The following BNC2 variants were observed in gnomAD, a reference collection of about 807,000 sequenced individuals.
BNC2 encodes basonuclin zinc finger protein 2.
A neutral mutation model predicts 76.3 loss-of-function variants in BNC2; 20 were observed. That is an observed-to-expected ratio of 0.26 (90% CI 0.18 to 0.38). The LOEUF is 0.38. Among genes scored for constraint, BNC2 ranks in the 10% least tolerant of loss-of-function variants. The pLI, the probability that BNC2 is intolerant of heterozygous loss-of-function variation, is 1.00. For synonymous variants in BNC2, 582 were observed against 514.8 expected (o/e 1.13, Z -1.77); for missense variants, 1,382 against 1,399.8 (o/e 0.99, Z 0.20).
intron 1 of BNC2, among the ~76,000 whole-genome samples, chr9:16,782,775 G>A (rs987511720): frequency 2.0e-5 from 3 of 152,142 alleles, no homozygotes; most frequent in Admixed American, 6.5e-5. Flanking sequence ...ATACTCTGAA[G>A]GCCAGAAACG....
intron 3 of BNC2, among the ~76,000 whole-genome samples, chr9:16,637,586 A>G (rs1235681077): frequency 6.6e-6 from 1 of 152,220 alleles, no homozygotes; most frequent in Non-Finnish European, 1.5e-5. Flanking sequence ...AGCCATTACT[A>G]AATTTCTGAG....
intron 1 of BNC2, among the ~76,000 whole-genome samples, chr9:16,785,139 T>C (rs975998950): frequency 1.3e-5 from 2 of 152,230 alleles, no homozygotes; most frequent in African/African-American, 4.8e-5. Context: ...TAAACCCACC[T>C]GTGCTGAACC....
intron 5 of BNC2, among the ~76,000 whole-genome samples, chr9:16,532,826 C>T (rs1342685152): frequency 6.6e-6 from 1 of 152,186 alleles, no homozygotes; most frequent in African/African-American, 2.4e-5. Flanking sequence ...GACTAAGCAT[C>T]TCTTCCCAAC....
At chr9:16,741,969 A>AAAC (rs1824864925) in intron 1 of BNC2, among the ~76,000 whole-genome samples, 1 of 151,374 alleles carries the variant, frequency 6.6e-6, no homozygotes, top group African/African-American at 2.4e-5. Flanking sequence ...AAAAAAAAAA[A>AAAC]AAAAAAAAAA....
intron 5 of BNC2, among the ~76,000 whole-genome samples, chr9:16,522,215 T>A (rs1341523213): frequency 6.6e-6 from 1 of 152,204 alleles, no homozygotes; most frequent in Non-Finnish European, 1.5e-5. Flanking sequence ...TGGAACCTAG[T>A]CTGAGTCAGG....
chr9:16,597,772 T>C (rs1305865853), intron 3 of BNC2, among the ~76,000 whole-genome samples: 1 of 152,046 alleles, frequency 6.6e-6, no homozygotes, highest in Non-Finnish European at 1.5e-5. Context: ...ATAAATCTGC[T>C]CCTATTTGTA....
chr9:16,795,540 T>C (rs1204873929), intron 1 of BNC2, among the ~76,000 whole-genome samples: 2 of 152,082 alleles, frequency 1.3e-5, no homozygotes, highest in Admixed American at 6.6e-5. Flanking sequence ...GCTCAGCCCA[T>C]GTCCTCTCCA....
At chr9:16,557,170 T>C (rs1446618778) in intron 4 of BNC2, among the ~76,000 whole-genome samples, 1 of 152,102 alleles carries the variant, frequency 6.6e-6, no homozygotes, top group Non-Finnish European at 1.5e-5. Flanking sequence ...GGCCTAACCA[T>C]CTGCTGATGT....
intron 1 of BNC2, among the ~76,000 whole-genome samples, chr9:16,744,115 T>C (rs4961746): frequency 0.91 from 137,861 of 152,000 alleles, 62,536 homozygotes; most frequent in Non-Finnish European, 0.92. Context: ...TACAGGCGCC[T>C]GCCACCACGC....
rs1246677730 is a variant in BNC2 at position 16,572,342 on chromosome 9, AAAACGCAC to A, written c.433+10633_433+10640del. On this transcript the variant is annotated intron_variant, in intron 4 of 6. Transcript: ENST00000380672. ...AAAATAGAATGAGAACTGGAAAAGAAAAACGCACAAATGGGCATAAAGACAAGGTGTTT... is the reference window on the plus strand; with the variant it reads ...AAAATAGAATGAGAACTGGAAAAGAAAAATGGGCATAAAGACAAGGTGTTT... Among the ~76,000 whole-genome samples the A allele has an allele frequency of 2.0e-5, 3 of 152,242 alleles. No individual in the cohort carries two copies. The South Asian group carries it at 6.2e-4, about 32-fold the overall frequency.
chr9:16,690,978 C>T (rs764826813), intron 3 of BNC2, among the ~76,000 whole-genome samples: 12 of 152,092 alleles, frequency 7.9e-5, no homozygotes, highest in Admixed American at 2.0e-4. Flanking sequence ...AAGAACAGTG[C>T]CCTGGGCTCT....
chr9:16,661,728 C>G (rs367596273), intron 3 of BNC2, among the ~76,000 whole-genome samples: 6 of 152,086 alleles, frequency 3.9e-5, no homozygotes, highest in African/African-American at 1.4e-4. Flanking sequence ...CATTCCTGAA[C>G]TTAAAAACAT....
chr9:16,813,542 G>T (rs1057282679), intron 1 of BNC2, among the ~76,000 whole-genome samples: 2 of 152,112 alleles, frequency 1.3e-5, no homozygotes, highest in Non-Finnish European at 2.9e-5. Context: ...CGGGATTACA[G>T]GCGTGAGCCA....
chr9:16,777,111 G>C (rs1296061029), intron 1 of BNC2, among the ~76,000 whole-genome samples: 1 of 151,978 alleles, frequency 6.6e-6, no homozygotes, highest in East Asian at 1.9e-4. Flanking sequence ...GGGCGACAGA[G>C]TGAGACTCCT....
At chr9:16,473,830 G>A (rs576684380) in intron 5 of BNC2, among the ~76,000 whole-genome samples, 1 of 152,206 alleles carries the variant, frequency 6.6e-6, no homozygotes, top group East Asian at 1.9e-4. Context: ...CCGAGATTGT[G>A]CCACTGCACT....
At chr9:16,636,461 C>T (rs1821329971) in intron 3 of BNC2, among the ~76,000 whole-genome samples, 1 of 152,166 alleles carries the variant, frequency 6.6e-6, no homozygotes, top group South Asian at 2.1e-4. Flanking sequence ...GGCAACCACA[C>T]CCAGCTAATT....
At chr9:16,833,391 T>C (rs1185418379) in intron 1 of BNC2, among the ~76,000 whole-genome samples, 1 of 152,296 alleles carries the variant, frequency 6.6e-6, no homozygotes, top group East Asian at 1.9e-4. Flanking sequence ...TCTTTTTCCA[T>C]TTCCTGGAAC....
intron 1 of BNC2, among the ~76,000 whole-genome samples, chr9:16,816,649 C>T (rs1473963855): frequency 6.6e-6 from 1 of 152,144 alleles, no homozygotes; most frequent in Non-Finnish European, 1.5e-5. Context: ...TGGGAAATCA[C>T]GGCACTTGTT....
At chr9:16,669,495 G>C (rs147362322) in intron 3 of BNC2, among the ~76,000 whole-genome samples, 204 of 152,270 alleles carry the variant, frequency 1.3e-3, no homozygotes, top group African/African-American at 4.7e-3. Context: ...TAGCAAATGA[G>C]ATGCACATCT....
Sources: gnomAD v4.1 joint callset for allele counts (sites outside exome capture counted in the v4.1 genomes callset) on GRCh38, gnomAD v4.1.1 for gene constraint, MANE v1.5 for transcripts, NCBI Gene and HGNC (gene_info 2026-07-23, HGNC 2026-07-21) for gene names.